Variants in NEUROD4 observed in about 807,000 individuals in gnomAD.
The protein encoded by NEUROD4 is neuronal differentiation 4, also known as neurogenic differentiation factor 4.
A neutral mutation model predicts 19.8 loss-of-function variants in NEUROD4; 16 were observed. The observed-to-expected ratio is 0.81, with a 90% CI of 0.55 to 1.23. The LOEUF (loss-of-function observed/expected upper bound fraction) is 1.23. Ranked by LOEUF, NEUROD4 falls within the 50% of genes most tolerant of loss-of-function variation. The pLI is 0.00. For synonymous variants in NEUROD4, 153 were observed against 147.9 expected (o/e 1.03, Z -0.25); for missense variants, 439 against 398.6 (o/e 1.10, Z -0.86).
At position 55,027,012 on chromosome 12, in the gene NEUROD4, T is replaced by C; in HGVS notation, c.573T>C (p.Pro191=). Residue 191 remains proline (P), a synonymous_variant, in exon 2 of 2, where the codon CCT becomes CCC. Transcript: ENST00000242994. Reference sequence around the variant, plus strand: ...TGGAGAAGCACGAGGATAAATCTCCTATTTGTGACTCTGCCATCTCTGTCC... The same window carrying C: ...TGGAGAAGCACGAGGATAAATCTCCCATTTGTGACTCTGCCATCTCTGTCC... ...VLLEKHEDKS[P]ICDSAISVHN... The C allele has an allele frequency of 6.2e-7, 1 of 1,614,086 alleles. No homozygotes were observed. The highest frequency in any genetic ancestry group is 1.1e-5 in the South Asian group (1 of 91,080).
intron 1 of NEUROD4, among the ~76,000 whole-genome samples, chr12:55,020,720 C>A (rs1952668457): frequency 1.3e-5 from 2 of 152,102 alleles, no homozygotes; most frequent in Non-Finnish European, 2.9e-5. Context: ...CTGCTCACAG[C>A]ATTTTAGGGC....
Position 55,027,306 on chromosome 12 carries a change from C to T in NEUROD4, c.867C>T (p.Ser289=), listed in dbSNP as rs779642086. The change falls in exon 2 of 2, where the codon AGC becomes AGT. Residue 289 remains serine (S), a synonymous_variant. Transcript: ENST00000242994. ...CACATTACCCTTCTTCAAGTCTAAG[C>T]TCAGGGCATGTGCATTCAACTCCTT... The part of the protein sequence containing the change: ...FMPHYPSSSL[S]SGHVHSTPFQ... 6.2e-7 allele frequency: 1 copy of T among 1,614,136 alleles called. No homozygotes were observed. The highest frequency in any genetic ancestry group is 1.7e-5 in the Admixed American group (1 of 60,012).
At position 55,027,037 on chromosome 12, in the gene NEUROD4, CACA is replaced by C. The variant is rs1952741890; in HGVS notation, c.601_603del (p.Asn201del). 1 of 1,614,010 alleles carries C rather than the reference CACA, an allele frequency of 6.2e-7. No homozygotes were observed. Among genetic ancestry groups the C allele is most frequent in the South Asian group, 1.1e-5 (1 of 91,084 alleles). On this transcript the variant is annotated inframe_deletion, in exon 2 of 2. Coordinates refer to ENST00000242994, the MANE Select transcript of NEUROD4 (RefSeq NM_021191.3). ...TATTTGTGACTCTGCCATCTCTGTC[CACA>C]ACTTCAACTATCAGTCTCCGGGGCT...
chr12:55,020,447 T>A (rs1439868715), intron 1 of NEUROD4, 134 bp downstream of exon 1: 1 of 152,180 alleles, frequency 6.6e-6, no homozygotes, highest in African/African-American at 2.4e-5. Flanking sequence ...AAACTTGGAA[T>A]GTAGAAGCTA....
At chr12:55,024,765 C>T (rs547683665) in intron 1 of NEUROD4, among the ~76,000 whole-genome samples, 2 of 152,316 alleles carry the variant, frequency 1.3e-5, no homozygotes, top group South Asian at 2.1e-4. Flanking sequence ...TTCAATAAAG[C>T]TGCTTACCCA....
chr12:55,022,705 A>G (rs139562654), intron 1 of NEUROD4, among the ~76,000 whole-genome samples: 271 of 152,274 alleles, frequency 1.8e-3, no homozygotes, highest in African/African-American at 6.1e-3. Context: ...TCCATCTTGA[A>G]TATGATGGAA....
In NEUROD4 at chr12:55,026,476, G is replaced by A. The variant is rs746307205; in HGVS notation, c.37G>A (p.Glu13Lys). 32 of 1,612,500 alleles carry A rather than the reference G, an allele frequency of 2.0e-5. No individual in the cohort carries two copies. The highest frequency in any genetic ancestry group is 2.5e-5 in the Non-Finnish European group (30 of 1,179,460). The stretch of plus-strand genomic sequence containing the variant: ...TTTTGTAAAATCCAAGGAGATGGGA[G>A]AGCTAGTCAACACACCATCCTGGAT... Reference protein sequence around the residue: ...KTFVKSKEMGELVNTPSWMDK... With the variant: ...KTFVKSKEMGKLVNTPSWMDK... The change falls in exon 2 of 2, where the codon GAG (glutamate) becomes AAG (lysine). Residue 13 changes from glutamate to lysine, a missense_variant. By Grantham distance (56) the Glu-to-Lys change is moderately conservative (BLOSUM62 1). Transcript: ENST00000242994.
At position 55,026,917 on chromosome 12, in the gene NEUROD4, A is replaced by G. The variant is rs1209662916; in HGVS notation, c.478A>G (p.Lys160Glu). Residue 160 changes from lysine (K) to glutamate (E), a missense_variant, in exon 2 of 2, where the codon AAA (lysine) becomes GAA (glutamate). Transcript: ENST00000242994. ...GAAAGGCTTTGTGGAGATGCTGTGT[A>G]AAGGGCTCTCTCAGCCCACAAGCAA... ...EGKGFVEMLCKGLSQPTSNLV... is the reference protein window; with the variant it reads ...EGKGFVEMLCEGLSQPTSNLV... 2 of 1,614,174 alleles carry G rather than the reference A, an allele frequency of 1.2e-6. No individual in the cohort carries two copies. The highest frequency in any genetic ancestry group is 1.7e-6 in the Non-Finnish European group (2 of 1,180,022).
chr12:55,026,654 C>T lies in NEUROD4; in HGVS notation c.215C>T (p.Pro72Leu). 6.2e-7 allele frequency: 1 copy of T among 1,613,728 alleles called. No individual in the cohort carries two copies. The highest frequency in any genetic ancestry group is 8.5e-7 in the Non-Finnish European group (1 of 1,179,852). Reference sequence around the variant, plus strand: ...GGGGAGAAACCTAAGAGAAGGGGTCCCAAGAAAAAGAAGATGACCAAAGCT... The same window carrying T: ...GGGGAGAAACCTAAGAGAAGGGGTCTCAAGAAAAAGAAGATGACCAAAGCT... ...EDGEKPKRRG[P>L]KKKKMTKARL... is the part of the protein sequence containing the mutation. The change falls in exon 2 of 2, where the codon CCC becomes CTC. Residue 72 changes from proline (P) to leucine (L), a missense_variant. By Grantham distance (98) the Pro-to-Leu change is moderately conservative. Transcript: ENST00000242994.
At chr12:55,021,368 G>C (rs556655905) in intron 1 of NEUROD4, among the ~76,000 whole-genome samples, 1 of 152,290 alleles carries the variant, frequency 6.6e-6, no homozygotes, top group African/African-American at 2.4e-5. Context: ...AGATTTCCTA[G>C]AAACTGGGCT....
At chr12:55,022,639 T>G (rs1025570408) in intron 1 of NEUROD4, among the ~76,000 whole-genome samples, 1 of 152,082 alleles carries the variant, frequency 6.6e-6, no homozygotes, top group African/African-American at 2.4e-5. Context: ...AATAGGAGTG[T>G]CAAGCTAACT....
rs981376513 is a variant in NEUROD4 at position 55,029,794 on chromosome 12, C to A, written c.*2359C>A. The A allele has an allele frequency of 1.8e-5, 3 of 166,874 alleles. No homozygotes were observed. The allele number at this position is 166,874 out of a possible 1,614,324, so 10.3% of individuals were successfully genotyped here. Reference sequence around the variant, plus strand: ...TTTATGCCTTTGGGGAGTATGGTACCCATGAGCCAAGCCTCCCTGAAATTG... The same window carrying A: ...TTTATGCCTTTGGGGAGTATGGTACACATGAGCCAAGCCTCCCTGAAATTG... On this transcript the variant is annotated 3_prime_UTR_variant, in exon 2 of 2. Coordinates refer to ENST00000242994, the MANE Select transcript of NEUROD4 (RefSeq NM_021191.3).
chr12:55,021,093 T>G (rs1952670920), intron 1 of NEUROD4, among the ~76,000 whole-genome samples: 1 of 152,112 alleles, frequency 6.6e-6, no homozygotes, highest in South Asian at 2.1e-4. Flanking sequence ...CTGAATAACT[T>G]CTGTTAACTA....
Position 55,027,301 on chromosome 12 carries a change from C to A in NEUROD4, c.862C>A (p.Leu288Ile), listed in dbSNP as rs750200619. 3.1e-6 allele frequency: 5 copies of A among 1,614,090 alleles called. No individual in the cohort carries two copies. The highest frequency in any genetic ancestry group is 4.2e-6 in the Non-Finnish European group (5 of 1,180,016). The change falls in exon 2 of 2, where the codon CTA becomes ATA. Residue 288 changes from leucine to isoleucine, a missense_variant. Physicochemically the swap from Leu to Ile is conservative, Grantham distance 5. Coordinates refer to ENST00000242994, the MANE Select transcript of NEUROD4 (RefSeq NM_021191.3). ...CATGCCACATTACCCTTCTTCAAGT[C>A]TAAGCTCAGGGCATGTGCATTCAAC... The part of the protein sequence containing the change: ...SFMPHYPSSS[L>I]SSGHVHSTPF...
chr12:55,022,336 A>G (rs1177613005), intron 1 of NEUROD4, among the ~76,000 whole-genome samples: 1 of 152,130 alleles, frequency 6.6e-6, no homozygotes, highest in South Asian at 2.1e-4. Context: ...TTTGATCACA[A>G]CTTTTGTTGT....
intron 1 of NEUROD4, among the ~76,000 whole-genome samples, chr12:55,022,179 C>A (rs932545372): frequency 9.9e-5 from 15 of 152,168 alleles, no homozygotes; most frequent in Middle Eastern, 3.4e-3. Context: ...ACAATAATTA[C>A]AATAATTTTT....
chr12:55,022,022 T>A (rs1176269774), intron 1 of NEUROD4, among the ~76,000 whole-genome samples: 1 of 152,200 alleles, frequency 6.6e-6, no homozygotes, highest in Non-Finnish European at 1.5e-5. Flanking sequence ...TCAAACAGCT[T>A]CTGTAAAACA....
chr12:55,029,559 A>C lies in NEUROD4; in HGVS notation c.*2124A>C, dbSNP rs912562813. On this transcript the variant is annotated 3_prime_UTR_variant, in exon 2 of 2. Coordinates refer to ENST00000242994, the MANE Select transcript of NEUROD4 (RefSeq NM_021191.3). The stretch of plus-strand genomic sequence containing the variant: ...TTTAGCCCCATAGATGTGCTTGCAA[A>C]CCCTTCCTAAAATTTTATTTGGAAA... 7 of 167,038 alleles carry C rather than the reference A, an allele frequency of 4.2e-5. No homozygotes were observed. The Admixed American group carries it at 4.6e-4, about 11-fold the overall frequency. The allele number at this position is 167,038 out of a possible 1,614,324, so 10.3% of individuals were successfully genotyped here.
In NEUROD4 at chr12:55,028,632, C is replaced by A. The variant is rs1012708876; in HGVS notation, c.*1197C>A. ...ATTGATCAAGGTTAAATTTTTCCAACATATATGTAGTTCCTTATCTCTCCC... is the reference window on the plus strand; with the variant it reads ...ATTGATCAAGGTTAAATTTTTCCAAAATATATGTAGTTCCTTATCTCTCCC... On this transcript the variant is annotated 3_prime_UTR_variant, in exon 2 of 2. Transcript: ENST00000242994. The A allele has an allele frequency of 6.0e-6, 1 of 166,988 alleles. No homozygotes were observed. Among genetic ancestry groups the A allele is most frequent in the African/African-American group, 2.4e-5 (1 of 41,428 alleles). The allele number at this position is 166,988 out of a possible 1,614,324, so 10.3% of individuals were successfully genotyped here.
Sources: allele counts gnomAD v4.1 joint callset (sites outside exome capture counted in the v4.1 genomes callset), GRCh38; gene constraint gnomAD v4.1.1; transcripts MANE v1.5; gene names NCBI Gene and HGNC (gene_info 2026-07-23, HGNC 2026-07-21).